The following MINDY2 variants were observed in gnomAD, a reference collection of about 807,000 sequenced individuals.
MINDY2 encodes the protein ubiquitin carboxyl-terminal hydrolase MINDY-2.
A neutral mutation model predicts 68.2 loss-of-function variants in MINDY2; 52 were observed. That is an observed-to-expected ratio of 0.76 (90% confidence interval 0.61 to 0.96). The LOEUF (loss-of-function observed/expected upper bound fraction) is 0.96, where lower values mean the gene tolerates loss of function less well. Among genes scored for constraint, MINDY2 ranks in the 40% least tolerant of loss-of-function variants. The pLI is 0.00. For missense variants in MINDY2, 881 were observed against 773.4 expected (o/e 1.14, Z -1.65); for synonymous variants, 372 against 303.0 (o/e 1.23, Z -2.36).
chr15:58,826,946 C>T (rs2031433105), intron 5 of MINDY2, among the ~76,000 whole-genome samples: 1 of 151,534 alleles, frequency 6.6e-6, no homozygotes, highest in Non-Finnish European at 1.5e-5. Flanking sequence ...CCTTTCCTTC[C>T]TTTTTTGTCG....
At chr15:58,774,855 C>T (rs945462171) in intron 1 of MINDY2, among the ~76,000 whole-genome samples, 2 of 152,280 alleles carry the variant, frequency 1.3e-5, no homozygotes, top group East Asian at 3.9e-4. Flanking sequence ...AATAGCAGGA[C>T]ATAAAATTGA....
At chr15:58,813,656 T>G (rs2030461820) in intron 4 of MINDY2, among the ~76,000 whole-genome samples, 1 of 152,132 alleles carries the variant, frequency 6.6e-6, no homozygotes, top group Non-Finnish European at 1.5e-5. Context: ...CAGGCTGGAC[T>G]TGAATTCCTG....
chr15:58,846,692 G>A (rs971711260), intron 6 of MINDY2, among the ~76,000 whole-genome samples: 4 of 151,828 alleles, frequency 2.6e-5, no homozygotes, highest in East Asian at 3.9e-4. Context: ...TTGTATGCAC[G>A]TACAGAGTTT....
chr15:58,851,701 T>C lies in MINDY2; in HGVS notation c.1543-70T>C. 7 of 1,171,288 alleles carry C rather than the reference T, an allele frequency of 6.0e-6. No homozygotes were observed. In the South Asian group the frequency reaches 8.0e-5, roughly 13 times the overall value. The allele number at this position is 1,171,288 out of a possible 1,614,324, so 72.6% of individuals were successfully genotyped here. On this transcript the variant is annotated intron_variant, in intron 7 of 8. Coordinates refer to ENST00000559228, the MANE Select transcript of MINDY2 (RefSeq NM_001040450.3). Reference sequence around the variant, plus strand: ...TTCTTACAGCTTTATAGATATAACGTTTGTATTTGCAGTCATTCATTCTTG... The same window carrying C: ...TTCTTACAGCTTTATAGATATAACGCTTGTATTTGCAGTCATTCATTCTTG...
At chr15:58,809,920 C>T (rs1435262259) in intron 3 of MINDY2, among the ~76,000 whole-genome samples, 2 of 152,154 alleles carry the variant, frequency 1.3e-5, no homozygotes, top group Non-Finnish European at 2.9e-5. Flanking sequence ...GCTGGGACTA[C>T]AGGCGCATGC....
chr15:58,771,607 G>C lies in MINDY2; in HGVS notation c.212G>C (p.Gly71Ala), dbSNP rs1398185830. 7.3e-5 allele frequency: 117 copies of C among 1,611,886 alleles called. No individual in the cohort carries two copies. Among genetic ancestry groups the C allele is most frequent in the Non-Finnish European group, 8.8e-5 (104 of 1,179,796 alleles). The change falls in exon 1 of 9, where the codon GGC becomes GCC. Residue 71 changes from glycine to alanine, a missense_variant. Gly to Ala is a moderately conservative substitution (Grantham distance 60). Coordinates refer to ENST00000559228, the MANE Select transcript of MINDY2 (RefSeq NM_001040450.3). ...CTCCCGGACTCGGCTTCTCCCGCGG[G>C]CTCTCCTGAGGTTCCCGGACCCTGC... ...RSLPDSASPA[G>A]SPEVPGPCSS... is the part of the protein sequence containing the mutation.
At chr15:58,848,154 A>G (rs1235833204) in intron 7 of MINDY2, among the ~76,000 whole-genome samples, 1 of 150,534 alleles carries the variant, frequency 6.6e-6, no homozygotes, top group African/African-American at 2.4e-5. Flanking sequence ...TCTGTTTATT[A>G]TTAGAAATAT....
At chr15:58,807,817 C>G (rs552764672) in intron 3 of MINDY2, among the ~76,000 whole-genome samples, 1 of 152,222 alleles carries the variant, frequency 6.6e-6, no homozygotes, top group Admixed American at 6.5e-5. Context: ...TTTATTTTGT[C>G]CCAGCCGCAC....
At chr15:58,824,226 C>A (rs1873961635) in intron 5 of MINDY2, among the ~76,000 whole-genome samples, 1 of 152,096 alleles carries the variant, frequency 6.6e-6, no homozygotes, top group Non-Finnish European at 1.5e-5. Flanking sequence ...CTTCTTTTTC[C>A]TTAACCTGAT....
At chr15:58,836,331 T>TC (rs1318391945) in intron 6 of MINDY2, among the ~76,000 whole-genome samples, 5 of 151,784 alleles carry the variant, frequency 3.3e-5, no homozygotes, top group Non-Finnish European at 7.4e-5. Flanking sequence ...AATAATCTAG[T>TC]CCATATTCAA....
At chr15:58,789,782 G>T (rs1211714166) in intron 2 of MINDY2, among the ~76,000 whole-genome samples, 1 of 152,104 alleles carries the variant, frequency 6.6e-6, no homozygotes, top group South Asian at 2.1e-4. Flanking sequence ...CGAGTAGCTG[G>T]GATTACAGGC....
intron 8 of MINDY2, among the ~76,000 whole-genome samples, chr15:58,852,468 A>G (rs1399694207): frequency 6.6e-6 from 1 of 152,102 alleles, no homozygotes; most frequent in Non-Finnish European, 1.5e-5. Flanking sequence ...TGATTTTCAA[A>G]TTTATTTTTA....
At chr15:58,817,830 C>T (rs1356399990) in intron 4 of MINDY2, 2 of 152,246 alleles carry the variant, frequency 1.3e-5, no homozygotes, top group Admixed American at 6.5e-5. Context: ...TGGCCATCTA[C>T]TTTTGAAACC....
chr15:58,811,355 A>G (rs1486223629), intron 4 of MINDY2, among the ~76,000 whole-genome samples: 1 of 152,236 alleles, frequency 6.6e-6, no homozygotes, highest in Non-Finnish European at 1.5e-5. Context: ...GCCTCTTGTT[A>G]AGCGTATCAG....
intron 1 of MINDY2, among the ~76,000 whole-genome samples, chr15:58,781,148 C>T (rs556698111): frequency 1.3e-5 from 2 of 152,140 alleles, no homozygotes; most frequent in South Asian, 4.2e-4. Flanking sequence ...CTCCTGGGTT[C>T]AAGCTATTCT....
chr15:58,841,490 C>G (rs2032283940), intron 6 of MINDY2, among the ~76,000 whole-genome samples: 1 of 150,844 alleles, frequency 6.6e-6, no homozygotes, highest in Non-Finnish European at 1.5e-5. Flanking sequence ...ATTGCAACCT[C>G]TGCCTCCCAG....
chr15:58,837,180 GATT>G (rs2032034485), intron 6 of MINDY2, among the ~76,000 whole-genome samples: 1 of 152,184 alleles, frequency 6.6e-6, no homozygotes, highest in Non-Finnish European at 1.5e-5. Flanking sequence ...TCATCATTAA[GATT>G]ATTATTCTCT....
chr15:58,795,328 G>A (rs1902211046), intron 2 of MINDY2, among the ~76,000 whole-genome samples: 1 of 152,114 alleles, frequency 6.6e-6, no homozygotes, highest in Non-Finnish European at 1.5e-5. Context: ...CCATTCTGAG[G>A]GGCCTTTATA....
At chr15:58,784,258 C>G (rs1901338745) in intron 1 of MINDY2, among the ~76,000 whole-genome samples, 1 of 151,756 alleles carries the variant, frequency 6.6e-6, no homozygotes. Context: ...CTGGGGAGGT[C>G]AAGGCTGCAG....
Sources: allele counts gnomAD v4.1 joint callset (sites outside exome capture counted in the v4.1 genomes callset), GRCh38; gene constraint gnomAD v4.1.1; transcripts MANE v1.5; gene names NCBI Gene and HGNC (gene_info 2026-07-23, HGNC 2026-07-21).